FER: variants seen among roughly 807,000 people sequenced by gnomAD.
The protein encoded by FER is FER tyrosine kinase.
In FER, 63 loss-of-function variants were observed where a neutral mutation model predicts 111.0. The ratio of observed to expected loss-of-function variants is 0.57; its 90% CI spans 0.46 to 0.70. The LOEUF (loss-of-function observed/expected upper bound fraction) is 0.70. FER is among the 30% of genes least tolerant of loss of function. FER has a pLI of 0.00. For missense variants in FER, 914 were observed against 954.0 expected, an observed-to-expected ratio of 0.96 and a Z score of 0.55; for synonymous variants, 327 against 313.9, an observed-to-expected ratio of 1.04 and a Z score of -0.44.
chr5:108,907,167 C>A (rs1052486903), intron 10 of FER, among the ~76,000 whole-genome samples: 11 of 152,170 alleles, frequency 7.2e-5, no homozygotes, highest in African/African-American at 2.7e-4. Context: ...GCTTAATGCA[C>A]ATTTGGTTTT....
intron 10 of FER, among the ~76,000 whole-genome samples, chr5:108,945,395 A>G (rs1288594541): frequency 6.6e-6 from 1 of 151,530 alleles, no homozygotes; most frequent in Admixed American, 6.6e-5. Context: ...TACCTACCCC[A>G]TTCACTTATG....
intron 17 of FER, among the ~76,000 whole-genome samples, chr5:109,139,661 C>A (rs1753311748): frequency 6.6e-6 from 1 of 152,044 alleles, no homozygotes; most frequent in African/African-American, 2.4e-5. Flanking sequence ...ATTGTAGTTA[C>A]TATATCCCCT....
At chr5:108,998,043 A>T (rs1388466737) in intron 13 of FER, among the ~76,000 whole-genome samples, 1 of 152,026 alleles carries the variant, frequency 6.6e-6, no homozygotes, top group East Asian at 1.9e-4. Context: ...TGAGAATTTT[A>T]TGCCAGTGGA....
chr5:109,005,866 A>G (rs879511773), intron 13 of FER, among the ~76,000 whole-genome samples: 1 of 152,232 alleles, frequency 6.6e-6, no homozygotes, highest in Non-Finnish European at 1.5e-5. Flanking sequence ...TGAATTAATC[A>G]TTCCATTTAA....
intron 1 of FER, among the ~76,000 whole-genome samples, chr5:108,752,091 C>G (rs1455057504): frequency 6.6e-6 from 1 of 151,946 alleles, no homozygotes; most frequent in African/African-American, 2.4e-5. Flanking sequence ...TATGGTTAAC[C>G]TATCATGCTA....
intron 13 of FER, among the ~76,000 whole-genome samples, chr5:108,997,113 C>G (rs757601884): frequency 3.9e-5 from 6 of 151,902 alleles, no homozygotes; most frequent in Non-Finnish European, 8.8e-5. Context: ...GATTTTGTAT[C>G]CTGAGACTTT....
At chr5:108,838,685 A>T (rs575869223) in intron 5 of FER, among the ~76,000 whole-genome samples, 4 of 152,356 alleles carry the variant, frequency 2.6e-5, no homozygotes, top group African/African-American at 7.2e-5. Context: ...TATGTTTAGT[A>T]TAATGTAAAA....
chr5:109,185,407 A>G (rs1323596710), intron 18 of FER, among the ~76,000 whole-genome samples: 1 of 152,278 alleles, frequency 6.6e-6, no homozygotes, highest in Non-Finnish European at 1.5e-5. Flanking sequence ...ATCTGTAAAC[A>G]GCAATGAGTG....
Position 109,037,494 on chromosome 5 carries a change from A to G in FER, c.1713+16A>G. 2 of 1,605,710 alleles carry G rather than the reference A, an allele frequency of 1.2e-6. No individual in the cohort carries two copies. Among genetic ancestry groups the G allele is most frequent in the Non-Finnish European group, 8.5e-7 (1 of 1,173,434 alleles). On this transcript the variant is annotated intron_variant, in intron 14 of 19. Transcript: ENST00000281092. ...ACTGGGCAAGGTATGTAATCAACTGAGCTAAATAACCAGAAGTCTCTATAT... is the reference window on the plus strand; with the variant it reads ...ACTGGGCAAGGTATGTAATCAACTGGGCTAAATAACCAGAAGTCTCTATAT...
chr5:108,931,697 G>A (rs1181972719), intron 10 of FER, among the ~76,000 whole-genome samples: 2 of 152,108 alleles, frequency 1.3e-5, no homozygotes, highest in African/African-American at 2.4e-5. Context: ...AGGCATGGTG[G>A]CGGGGACCTG....
chr5:109,074,112 T>C lies in FER; in HGVS notation c.1925-26284T>C, dbSNP rs148854270. On this transcript the variant is annotated intron_variant, in intron 16 of 19. Coordinates refer to ENST00000281092, the MANE Select transcript of FER (RefSeq NM_005246.4). Reference sequence around the variant, plus strand: ...AAAAAGCTGGCAGGGCAAAATGATATCTAGAGTATGCTTTGTGCAAAACAC... The same window carrying C: ...AAAAAGCTGGCAGGGCAAAATGATACCTAGAGTATGCTTTGTGCAAAACAC... Among the ~76,000 whole-genome samples the C allele has an allele frequency of 3.2e-3, 485 of 152,260 alleles. 1 individual carries two copies. Among genetic ancestry groups the C allele is most frequent in the African/African-American group, 0.011 (456 of 41,554 alleles).
At chr5:108,809,515 T>C (rs1028731416) in intron 3 of FER, among the ~76,000 whole-genome samples, 1 of 152,228 alleles carries the variant, frequency 6.6e-6, no homozygotes, top group African/African-American at 2.4e-5. Context: ...TTGTCTTGGA[T>C]CTTGTTAATC....
intron 16 of FER, among the ~76,000 whole-genome samples, chr5:109,065,512 T>A (rs567360466): frequency 2.4e-4 from 36 of 152,312 alleles, no homozygotes; most frequent in African/African-American, 8.4e-4. Flanking sequence ...ACAAAGTATC[T>A]GGACTCTTCT....
rs1383925400 is a variant in FER at position 109,146,203 on chromosome 5, ATC to A, written c.2049-34542_2049-34541del. ...AAAAAAATACATATATATATAATCTATCTATTTTATATATATATATTATCTAT... is the reference window on the plus strand; with the variant it reads ...AAAAAAATACATATATATATAATCTATATTTTATATATATATATTATCTAT... On this transcript the variant is annotated intron_variant, in intron 17 of 19. Coordinates refer to ENST00000281092, the MANE Select transcript of FER (RefSeq NM_005246.4). Among the ~76,000 whole-genome samples the A allele has an allele frequency of 4.0e-5, 5 of 123,992 alleles. 1 individual carries two copies. Among genetic ancestry groups the A allele is most frequent in the African/African-American group, 1.5e-4 (5 of 33,058 alleles). 81.3% of individuals were successfully genotyped at this position (123,992 alleles called of 152,430 possible).
At chr5:108,749,978 C>G (rs1279428952) in intron 1 of FER, among the ~76,000 whole-genome samples, 1 of 152,132 alleles carries the variant, frequency 6.6e-6, no homozygotes, top group South Asian at 2.1e-4. Context: ...CGGCTGGTAG[C>G]CTTACATTTT....
At chr5:109,185,938 C>T (rs187679602) in intron 18 of FER, among the ~76,000 whole-genome samples, 47 of 152,250 alleles carry the variant, frequency 3.1e-4, no homozygotes, top group Admixed American at 2.9e-3. Flanking sequence ...TACTACAGGT[C>T]ATTTTAACAC....
chr5:108,864,413 C>G (rs75475720), intron 5 of FER, among the ~76,000 whole-genome samples: 10,322 of 152,176 alleles, frequency 0.068, 447 homozygotes, highest in South Asian at 0.088. Flanking sequence ...TCCCTCTTTG[C>G]AAAAACCCTC....
intron 10 of FER, among the ~76,000 whole-genome samples, chr5:108,903,636 G>A (rs372920559): frequency 5.3e-4 from 81 of 152,186 alleles, no homozygotes; most frequent in African/African-American, 1.9e-3. Context: ...GAGATAATGT[G>A]TATAAACATA....
chr5:108,844,041 CAT>C lies in FER; in HGVS notation c.481+8241_481+8242del, dbSNP rs5870334. Among the ~76,000 whole-genome samples the C allele has an allele frequency of 6.2e-3, 589 of 94,648 alleles. 3 individuals carry two copies. Among genetic ancestry groups the C allele is most frequent in the African/African-American group, 7.7e-3 (176 of 22,844 alleles). 62.1% of individuals were successfully genotyped at this position (94,648 alleles called of 152,430 possible). On this transcript the variant is annotated intron_variant, in intron 5 of 19. Coordinates refer to ENST00000281092, the MANE Select transcript of FER (RefSeq NM_005246.4). ...GTGTGAACATATATATGTGTGTGAA[CAT>C]ATATATGTGTGTGAACATATATATG...
Sources: allele counts gnomAD v4.1 joint callset (sites outside exome capture counted in the v4.1 genomes callset), GRCh38; gene constraint gnomAD v4.1.1; transcripts MANE v1.5; gene names NCBI Gene and HGNC (gene_info 2026-07-23, HGNC 2026-07-21).